ADD1: variants seen among roughly 807,000 people sequenced by gnomAD.
ADD1 encodes alpha-adducin.
In ADD1, 24 loss-of-function variants were observed where a neutral mutation model predicts 80.5. The ratio of observed to expected loss-of-function variants is 0.30; its 90% CI spans 0.22 to 0.42. The LOEUF (loss-of-function observed/expected upper bound fraction) is 0.42. Ranked by LOEUF, ADD1 falls within the 10% of genes least tolerant of loss-of-function variation. ADD1 has a pLI of 1.00. For missense variants in ADD1, 948 were observed against 1,019.0 expected, an observed-to-expected ratio of 0.93 and a Z score of 0.95; for synonymous variants, 373 against 393.8, an observed-to-expected ratio of 0.95 and a Z score of 0.63.
At chr4:2,902,539 G>C (rs1736358955) in intron 9 of ADD1, 1 of 151,970 alleles carries the variant, frequency 6.6e-6, no homozygotes, top group Non-Finnish European at 1.5e-5. Context: ...AGGAGTTCAA[G>C]ACCAGCCTGG....
chr4:2,894,820 T>C (rs975109820), intron 6 of ADD1, 89 bp downstream of exon 6: 1 of 1,380,350 alleles, frequency 7.2e-7, no homozygotes, highest in Non-Finnish European at 9.7e-7. Context: ...TTGTTGTTTA[T>C]AGTCAGTAAA....
chr4:2,907,668 A>G, intron 10 of ADD1, 75 bp from the exon 11 acceptor site: 1 of 1,252,458 alleles, frequency 8.0e-7, no homozygotes, highest in South Asian at 1.2e-5. Context: ...GATGTGAGAT[A>G]AACTGAATAG....
chr4:2,899,568 C>A, intron 9 of ADD1, 133 bp downstream of exon 9: 1 of 965,016 alleles, frequency 1.0e-6, no homozygotes, highest in Non-Finnish European at 1.6e-6. Context: ...CATGAAGAAG[C>A]ACTAGGGTTG....
chr4:2,852,655 G>A (rs1574473), intron 1 of ADD1, among the ~76,000 whole-genome samples: 2,729 of 105,046 alleles, frequency 0.026, 57 homozygotes, highest in African/African-American at 0.071. Context: ...TCTATTTTCT[G>A]TACTAGGTGT....
Position 2,904,759 on chromosome 4 carries a change from C to A in ADD1, c.1162-5C>A. On this transcript the variant is annotated splice_polypyrimidine_tract_variant and splice_region_variant and intron_variant, in intron 9 of 15. Coordinates refer to ENST00000683351, the MANE Select transcript of ADD1 (RefSeq NM_001354761.2). ...TGACTGTCTTTCACTCTCCTTGGAC[C>A]CTAGGGCTACAGAACTGGCTACCCT... 6.2e-7 allele frequency: 1 copy of A among 1,610,672 alleles called. No homozygotes were observed. Among genetic ancestry groups the A allele is most frequent in the East Asian group, 2.2e-5 (1 of 44,832 alleles).
At chr4:2,885,755 GC>G (rs1233142169) in intron 4 of ADD1, among the ~76,000 whole-genome samples, 10 of 151,778 alleles carry the variant, frequency 6.6e-5, no homozygotes, top group Admixed American at 5.9e-4. Context: ...GACTACAGGC[GC>G]CCGCCACCAC....
intron 14 of ADD1, among the ~76,000 whole-genome samples, chr4:2,919,313 C>G (rs577632207): frequency 1.1e-4 from 16 of 152,252 alleles, no homozygotes; most frequent in Middle Eastern, 3.4e-3. Context: ...TGTGTCTCTG[C>G]CAGGTTTTGG....
chr4:2,852,193 T>TC (rs1183409712), intron 1 of ADD1, among the ~76,000 whole-genome samples: 2,888 of 76,214 alleles, frequency 0.038, 67 homozygotes, highest in Non-Finnish European at 0.061. Flanking sequence ...TTTCTTTCTT[T>TC]CTTTCCTTTC....
chr4:2,899,105 A>G, intron 8 of ADD1, 154 bp from the exon 9 acceptor site: 2 of 774,056 alleles, frequency 2.6e-6, no homozygotes, highest in Middle Eastern at 4.8e-4. Context: ...TCTGAAAGTA[A>G]CTTTGTGATC....
intron 2 of ADD1, among the ~76,000 whole-genome samples, chr4:2,879,165 A>G (rs1014895950): frequency 3.9e-5 from 6 of 152,172 alleles, no homozygotes; most frequent in African/African-American, 1.2e-4. Context: ...AGTAGCACAC[A>G]CAAGGTCCTT....
At chr4:2,913,187 T>G (rs569485467) in intron 13 of ADD1, among the ~76,000 whole-genome samples, 2 of 152,362 alleles carry the variant, frequency 1.3e-5, no homozygotes, top group African/African-American at 4.8e-5. Flanking sequence ...TTACTAATTT[T>G]AACCACTTGA....
intron 4 of ADD1, among the ~76,000 whole-genome samples, chr4:2,887,315 C>T (rs571378990): frequency 6.6e-6 from 1 of 152,308 alleles, no homozygotes; most frequent in East Asian, 1.9e-4. Flanking sequence ...GCAGGTCATT[C>T]TGCCCTTTCT....
intron 1 of ADD1, among the ~76,000 whole-genome samples, chr4:2,865,170 T>G (rs1056573275): frequency 1.4e-4 from 20 of 146,878 alleles, no homozygotes; most frequent in African/African-American, 5.5e-4. Context: ...CTATTTTCTC[T>G]TGTTTTTTTT....
At chr4:2,927,224 C>T (rs1049729609) in intron 15 of ADD1, among the ~76,000 whole-genome samples, 1 of 152,218 alleles carries the variant, frequency 6.6e-6, no homozygotes, top group Non-Finnish European at 1.5e-5. Context: ...GAGCGGGCCC[C>T]ATCTCCTCAG....
intron 1 of ADD1, among the ~76,000 whole-genome samples, chr4:2,863,477 G>A (rs561195037): frequency 6.6e-6 from 1 of 152,260 alleles, no homozygotes; most frequent in African/African-American, 2.4e-5. Context: ...TGGAGACCAA[G>A]TGTTATGACA....
At position 2,894,723 on chromosome 4, in the gene ADD1, G is replaced by T. The variant is rs1433845295; in HGVS notation, c.733G>T (p.Gly245Trp). 6.3e-7 allele frequency: 1 copy of T among 1,597,844 alleles called. No individual in the cohort carries two copies. The highest frequency in any genetic ancestry group is 8.5e-7 in the Non-Finnish European group (1 of 1,175,412). Residue 245 changes from glycine to tryptophan, a missense_variant, in exon 6 of 16, where the codon GGG becomes TGG. Coordinates refer to ENST00000683351, the MANE Select transcript of ADD1 (RefSeq NM_001354761.2). ...KCVVHIHTPA[G>W]AAVSAMKCGL... ...CGTCGTGCACATTCACACCCCAGCA[G>T]GGGCTGCGGTGAGTGGCTGCCCTGG...
intron 14 of ADD1, among the ~76,000 whole-genome samples, chr4:2,917,321 A>G (rs1191837343): frequency 6.6e-6 from 1 of 152,184 alleles, no homozygotes; most frequent in Non-Finnish European, 1.5e-5. Flanking sequence ...TGTTGGCTAC[A>G]TAAATGTCTT....
chr4:2,854,690 C>G lies in ADD1; in HGVS notation c.-21+10666C>G, dbSNP rs955650851. On this transcript the variant is annotated intron_variant, in intron 1 of 15. Coordinates refer to ENST00000683351, the MANE Select transcript of ADD1 (RefSeq NM_001354761.2). ...TCATTGTCTGATATTAATATAATTA[C>G]TCCAGCTTTGTTTTGTTTGGTGTTT... Among the ~76,000 whole-genome samples, 9 of 152,068 alleles carry G rather than the reference C, an allele frequency of 5.9e-5. 1 individual carries two copies. Among genetic ancestry groups the G allele is most frequent in the Admixed American group, 5.2e-4 (8 of 15,272 alleles).
intron 1 of ADD1, among the ~76,000 whole-genome samples, chr4:2,872,969 C>CT (rs1397679537): frequency 6.6e-6 from 1 of 151,878 alleles, no homozygotes; most frequent in Non-Finnish European, 1.5e-5. Flanking sequence ...CTTTCTCTCT[C>CT]TTTTTTTAAC....
Sources: gnomAD v4.1 joint callset for allele counts (sites outside exome capture counted in the v4.1 genomes callset) on GRCh38, gnomAD v4.1.1 for gene constraint, MANE v1.5 for transcripts, NCBI Gene and HGNC (gene_info 2026-07-23, HGNC 2026-07-21) for gene names.